The following CSNK1G1 variants were observed in gnomAD, a reference collection of about 807,000 sequenced individuals.
The protein encoded by CSNK1G1 is casein kinase I isoform gamma-1.
Under a neutral mutation model 59.6 loss-of-function variants are expected in CSNK1G1, and 22 were observed. The ratio of observed to expected loss-of-function variants is 0.37; its 90% confidence interval spans 0.26 to 0.53. CSNK1G1 has a LOEUF of 0.53. CSNK1G1 is among the 20% of genes least tolerant of loss of function. The pLI is 0.89. For synonymous variants in CSNK1G1, 179 were observed against 177.1 expected (o/e 1.01, Z -0.08); for missense variants, 384 against 519.5 (o/e 0.74, Z 2.54).
intron 2 of CSNK1G1, among the ~76,000 whole-genome samples, chr15:64,292,883 G>A (rs1465675752): frequency 2.0e-5 from 3 of 152,014 alleles, no homozygotes; most frequent in African/African-American, 2.4e-5. Context: ...AGCCAATATC[G>A]CGCCACTGCA....
intron 1 of CSNK1G1, among the ~76,000 whole-genome samples, chr15:64,334,276 C>A (rs1897261557): frequency 6.6e-6 from 1 of 152,096 alleles, no homozygotes; most frequent in Non-Finnish European, 1.5e-5. Context: ...CCTCAGCCTG[C>A]CAAAGTGCTG....
chr15:64,199,558 T>C (rs1207890964), intron 10 of CSNK1G1, among the ~76,000 whole-genome samples: 1 of 152,090 alleles, frequency 6.6e-6, no homozygotes, highest in African/African-American at 2.4e-5. Flanking sequence ...GAAACACATA[T>C]TTTAAGATAG....
intron 2 of CSNK1G1, among the ~76,000 whole-genome samples, chr15:64,287,387 TAC>T (rs1894486492): frequency 6.6e-6 from 1 of 152,160 alleles, no homozygotes; most frequent in Admixed American, 6.5e-5. Context: ...ATTCTAAACT[TAC>T]AGTCATCTTT....
intron 4 of CSNK1G1, among the ~76,000 whole-genome samples, chr15:64,247,104 G>C (rs1468823737): frequency 6.6e-6 from 1 of 152,094 alleles, no homozygotes; most frequent in African/African-American, 2.4e-5. Flanking sequence ...ACCAAATCTT[G>C]TTCCTGTGTG....
At chr15:64,220,931 C>T (rs901090956) in intron 4 of CSNK1G1, among the ~76,000 whole-genome samples, 4 of 152,176 alleles carry the variant, frequency 2.6e-5, no homozygotes, top group African/African-American at 7.2e-5. Context: ...CTAGAATCAC[C>T]AGACATCTTG....
intron 2 of CSNK1G1, among the ~76,000 whole-genome samples, chr15:64,288,397 A>C (rs76036326): frequency 0.053 from 8,125 of 152,244 alleles, 312 homozygotes; most frequent in South Asian, 0.11. Context: ...GAAAAAATTA[A>C]GAAATAATAT....
Position 64,167,631 on chromosome 15 carries a change from A to C in CSNK1G1, c.*4300T>G, listed in dbSNP as rs1011912418. The C allele has an allele frequency of 6.5e-6, 1 of 152,732 alleles. No individual in the cohort carries two copies. The highest frequency in any genetic ancestry group is 2.4e-5 in the African/African-American group (1 of 41,470). 9.5% of individuals were successfully genotyped at this position (152,732 alleles called of 1,614,324 possible). A position where few individuals can be genotyped will look rare whatever the true frequency, so the allele number is the denominator to read the frequency against. ...GGCAATGTTGGCTGTATGGTGTTGC[A>C]GGCTCCCAATCTGAGAAACGAACCT... On this transcript the variant is annotated 3_prime_UTR_variant, in exon 12 of 12. Transcript: ENST00000303052.
intron 3 of CSNK1G1, among the ~76,000 whole-genome samples, chr15:64,252,205 T>C (rs1892124591): frequency 6.6e-6 from 1 of 151,852 alleles, no homozygotes; most frequent in Non-Finnish European, 1.5e-5. Context: ...GCTATTGAAT[T>C]CAACAATGTA....
chr15:64,180,349 T>C lies in CSNK1G1; in HGVS notation c.1213A>G (p.Lys405Glu). 6.2e-7 allele frequency: 1 copy of C among 1,611,860 alleles called. No homozygotes were observed. Among genetic ancestry groups the C allele is most frequent in the Non-Finnish European group, 8.5e-7 (1 of 1,177,984 alleles). ...HAEVEVVEEA[K>E]CCCFFKRKRK... ...AGCCCCCTTGAAAGATGTACGTACT[T>C]AGCTTCCTCCACTACCTCCACCTCG... Residue 405 changes from lysine to glutamate, a missense_variant and splice_region_variant, in exon 11 of 12, where the codon AAG becomes GAG. This residue lies in a region of CSNK1G1 where 325 missense variants were observed against 440.9 expected (regional missense o/e 0.74). Transcript: ENST00000303052.
intron 4 of CSNK1G1, among the ~76,000 whole-genome samples, chr15:64,243,228 C>T (rs1487345716): frequency 1.2e-4 from 18 of 151,818 alleles, no homozygotes; most frequent in Admixed American, 5.3e-4. Flanking sequence ...CCCAGCTACT[C>T]GGAAGGCTGA....
intron 10 of CSNK1G1, chr15:64,181,234 G>A (rs183494164): frequency 1.3e-6 from 2 of 1,535,480 alleles, no homozygotes; most frequent in East Asian, 2.4e-5. Flanking sequence ...TCTCACTGAT[G>A]GTCCCCGAAA....
chr15:64,304,811 T>G (rs1444458845), intron 1 of CSNK1G1, among the ~76,000 whole-genome samples: 1 of 152,232 alleles, frequency 6.6e-6, no homozygotes, highest in Non-Finnish European at 1.5e-5. Context: ...TAAATCTCTC[T>G]TCTTACACAA....
intron 1 of CSNK1G1, among the ~76,000 whole-genome samples, chr15:64,342,878 C>T (rs1282507151): frequency 2.6e-5 from 4 of 152,068 alleles, no homozygotes; most frequent in Non-Finnish European, 5.9e-5. Flanking sequence ...ATTGCTGGAC[C>T]CCAGTCTAGA....
At chr15:64,238,518 A>AATATATATATATATATAT (rs1212005568) in intron 4 of CSNK1G1, among the ~76,000 whole-genome samples, 31 of 49,202 alleles carry the variant, frequency 6.3e-4, no homozygotes, top group Non-Finnish European at 7.3e-4. Context: ...AAAAAAAAAA[A>AATATATATATATATATAT]ATATATATAT....
At chr15:64,346,589 C>T (rs921060332) in intron 1 of CSNK1G1, among the ~76,000 whole-genome samples, 13 of 152,082 alleles carry the variant, frequency 8.5e-5, no homozygotes, top group African/African-American at 3.1e-4. Flanking sequence ...TCCTGAGTAG[C>T]TGGGATTACA....
At chr15:64,189,412 G>T in intron 10 of CSNK1G1, 1 of 1,286,580 alleles carries the variant, frequency 7.8e-7, no homozygotes, top group Non-Finnish European at 1.0e-6. Flanking sequence ...CTGTTTAGGT[G>T]CCTCTTCCCC....
Position 64,356,150 on chromosome 15 carries a change from G to C in CSNK1G1, c.-387C>G, listed in dbSNP as rs1596313714. On this transcript the variant is annotated 5_prime_UTR_variant, in exon 1 of 12. Coordinates refer to ENST00000303052, the MANE Select transcript of CSNK1G1 (RefSeq NM_022048.5). The stretch of plus-strand genomic sequence containing the variant: ...GGGGGAAGGCGAGGAGCCGAGGGGC[G>C]GCTGGAGCCGAACCGGAACCACTAG... 6.6e-6 allele frequency: 1 copy of C among 152,244 alleles called. No individual in the cohort carries two copies. The highest frequency in any genetic ancestry group is 2.4e-5 in the African/African-American group (1 of 41,444). The allele number at this position is 152,244 out of a possible 1,614,324, so 9.4% of individuals were successfully genotyped here.
rs1249917667 is a variant in CSNK1G1 at position 64,299,570 on chromosome 15, C to T, written c.181+749G>A. On this transcript the variant is annotated intron_variant, in intron 2 of 11. Transcript: ENST00000303052. ...TCGCGCCACTGCACTCCAGCCTGGGCGACAGAGTAAGACTCCATCTCAAAA... is the reference window on the plus strand; with the variant it reads ...TCGCGCCACTGCACTCCAGCCTGGGTGACAGAGTAAGACTCCATCTCAAAA... 1.1e-4 allele frequency among the ~76,000 whole-genome samples: 17 copies of T among 149,766 alleles called. No homozygotes were observed. The South Asian group carries it at 1.7e-3, about 15-fold the overall frequency.
rs11343127 is a variant in CSNK1G1, at chr15:64,215,204, C to CT, written c.445-1081dup. Among the ~76,000 whole-genome samples, 443 of 81,784 alleles carry CT rather than the reference C, an allele frequency of 5.4e-3. 32 individuals carry two copies. The highest frequency in any genetic ancestry group is 7.6e-3 in the Non-Finnish European group (365 of 47,748). 53.7% of individuals were successfully genotyped at this position (81,784 alleles called of 152,430 possible). On this transcript the variant is annotated intron_variant, in intron 5 of 11. Transcript: ENST00000303052. ...TCTATCTACTAAGCTTTTCTACTAACTTTTTTTTTTTTTTTTTTTTTTTTT... is the reference window on the plus strand; with the variant it reads ...TCTATCTACTAAGCTTTTCTACTAACTTTTTTTTTTTTTTTTTTTTTTTTTT...
Sources: gnomAD v4.1 joint callset for allele counts (sites outside exome capture counted in the v4.1 genomes callset) on GRCh38, gnomAD v4.1.1 for gene constraint, gnomAD v4.1.1 regional missense constraint, MANE v1.5 for transcripts, NCBI Gene and HGNC (gene_info 2026-07-23, HGNC 2026-07-21) for gene names.